Variants in PTGES3L observed in about 807,000 individuals in gnomAD.
The protein encoded by PTGES3L is putative protein PTGES3L.
PTGES3L carries 17 observed loss-of-function variants against 25.0 expected under a neutral mutation model. The ratio of observed to expected loss-of-function variants is 0.68; its 90% CI spans 0.47 to 1.02. The LOEUF is 1.02. Ranked by LOEUF, PTGES3L falls within the 50% of genes least tolerant of loss-of-function variation. The probability of loss-of-function intolerance (pLI) is 0.00; values close to 1 mark genes in which losing one functional copy is unlikely to be tolerated. For synonymous variants in PTGES3L, 59 were observed against 65.7 expected, an observed-to-expected ratio of 0.90 and a Z score of 0.50; for missense variants, 202 against 197.5, an observed-to-expected ratio of 1.02 and a Z score of -0.14.
rs57542042 is a variant in PTGES3L at position 42,970,676 on chromosome 17, G to GCACACACA, written c.379-342_379-335dup. Among the ~76,000 whole-genome samples the GCACACACA allele has an allele frequency of 7.8e-3, 1,130 of 144,152 alleles. 11 individuals are homozygous for GCACACACA. The highest frequency in any genetic ancestry group is 0.032 in the South Asian group (144 of 4,564). The allele number at this position is 144,152 out of a possible 152,430, so 94.6% of individuals were successfully genotyped here. On this transcript the variant is annotated intron_variant, in intron 5 of 6. Transcript: ENST00000591916. ...CATGAAGTTGTCTGGCTTAACACGC[G>GCACACACA]CACACACACACACACACACACACAC...
At chr17:42,972,546 G>A (rs1483610747) in intron 4 of PTGES3L, among the ~76,000 whole-genome samples, 1 of 152,170 alleles carries the variant, frequency 6.6e-6, no homozygotes, top group African/African-American at 2.4e-5. Flanking sequence ...CCGGTCTCCA[G>A]CCCCTAACCG....
At chr17:42,978,693 A>G (rs1372502651) in intron 4 of PTGES3L, among the ~76,000 whole-genome samples, 5 of 129,298 alleles carry the variant, frequency 3.9e-5, no homozygotes, top group Non-Finnish European at 8.6e-5. Flanking sequence ...CTGCACATGT[A>G]TCCCAGAACT....
chr17:42,974,362 A>G (rs1246331252), intron 4 of PTGES3L, among the ~76,000 whole-genome samples: 2 of 140,826 alleles, frequency 1.4e-5, no homozygotes, highest in Admixed American at 7.2e-5. Flanking sequence ...CTCTGTCTCG[A>G]AAAAAAAAAA....
In PTGES3L at chr17:42,979,575, T is replaced by A; in HGVS notation, c.97A>T (p.Ile33Phe). Reference protein sequence around the residue: ...VEDSTDVHVLIEDHRIVFSCK... With the variant: ...VEDSTDVHVLFEDHRIVFSCK... ...CTGAACACAATGCGGTGATCCTCAATAAGCACGTGGACATCGGTGCTGTCC... is the reference window on the plus strand; with the variant it reads ...CTGAACACAATGCGGTGATCCTCAAAAAGCACGTGGACATCGGTGCTGTCC... The change falls in exon 2 of 7, where the codon ATT becomes TTT. Residue 33 changes from isoleucine to phenylalanine, a missense_variant. Transcript: ENST00000591916. 1 of 1,614,100 alleles carries A rather than the reference T, an allele frequency of 6.2e-7. No homozygotes were observed.
In PTGES3L at chr17:42,969,156, T is replaced by C; in HGVS notation, c.463A>G (p.Ser155Gly). ...CTTTGCGTCACAGAAAGTTAATTAC[T>C]TGTTGCATCATCAGCACTGTCAGAA... is the stretch of plus-strand genomic sequence containing the variant. ...DDSDSADDAT[S>G]N Residue 155 changes from serine to glycine, a missense_variant, in exon 7 of 7, where the codon AGT (serine) becomes GGT (glycine). Physicochemically the swap from Ser to Gly is moderately conservative, Grantham distance 56 (BLOSUM62 0). Transcript: ENST00000591916. The C allele has an allele frequency of 2.7e-6, 4 of 1,503,060 alleles. No homozygotes were observed. The highest frequency in any genetic ancestry group is 3.6e-6 in the Non-Finnish European group (4 of 1,119,656). 93.1% of individuals were successfully genotyped at this position (1,503,060 alleles called of 1,614,324 possible).
intron 4 of PTGES3L, among the ~76,000 whole-genome samples, chr17:42,973,880 T>C (rs2049905134): frequency 7.1e-6 from 1 of 141,120 alleles, no homozygotes; most frequent in Non-Finnish European, 1.5e-5. Context: ...GTCCTCTGCC[T>C]AGGAAAACCA....
chr17:42,973,203 GC>G (rs1185318157), intron 4 of PTGES3L, among the ~76,000 whole-genome samples: 1 of 144,136 alleles, frequency 6.9e-6, no homozygotes, highest in Admixed American at 6.9e-5. Context: ...GGGGGGGTCA[GC>G]CCCCCGCCCG....
chr17:42,978,105 A>G (rs2049996058), intron 4 of PTGES3L, among the ~76,000 whole-genome samples: 1 of 147,628 alleles, frequency 6.8e-6, no homozygotes. Context: ...AAAAAACAGA[A>G]AGAAAAAAGA....
intron 4 of PTGES3L, among the ~76,000 whole-genome samples, chr17:42,973,877 G>T (rs1438409181): frequency 1.4e-5 from 2 of 141,078 alleles, no homozygotes; most frequent in Non-Finnish European, 3.1e-5. Flanking sequence ...AGGGTCCTCT[G>T]CCTAGGAAAA....
intron 6 of PTGES3L, 104 bp from the exon 7 acceptor site, chr17:42,969,290 T>C: frequency 1.4e-6 from 1 of 700,960 alleles, no homozygotes; most frequent in South Asian, 3.0e-5. Context: ...CCAAGTTTCT[T>C]TTTGTGATTT....
Position 42,976,367 on chromosome 17 carries a change from G to T in PTGES3L, c.288+2803C>A, listed in dbSNP as rs372225655. Among the ~76,000 whole-genome samples the T allele has an allele frequency of 3.2e-4, 48 of 152,144 alleles. No individual in the cohort carries two copies. In the South Asian group the frequency reaches 1.0e-2, roughly 32 times the overall value. On this transcript the variant is annotated intron_variant, in intron 4 of 6. Transcript: ENST00000591916. ...AACTAATAAAAATTTTTTAATGTCAGTAACAAGTCAAAATAATTTCTTTTT... is the reference window on the plus strand; with the variant it reads ...AACTAATAAAAATTTTTTAATGTCATTAACAAGTCAAAATAATTTCTTTTT...
At chr17:42,970,673 C>CGT (rs1491137521) in intron 5 of PTGES3L, among the ~76,000 whole-genome samples, 1 of 85,360 alleles carries the variant, frequency 1.2e-5, no homozygotes, top group Admixed American at 1.4e-4. Flanking sequence ...TGGCTTAACA[C>CGT]GCGCACACAC....
In PTGES3L at chr17:42,971,772, A is replaced by G. The variant is rs112161949; in HGVS notation, c.289-76T>C. ...TGTGTGGGAGAGTGTGGGCATATGC[A>G]TGGGAGCACGCCTGGGGAAAAGAGG... On this transcript the variant is annotated intron_variant, in intron 4 of 6. Coordinates refer to ENST00000591916, the MANE Select transcript of PTGES3L (RefSeq NM_001261430.2). 1,045 of 1,502,408 alleles carry G rather than the reference A, an allele frequency of 7.0e-4. 13 individuals are homozygous for G. The African/African-American group carries it at 0.012, about 18-fold the overall frequency. 93.1% of individuals were successfully genotyped at this position (1,502,408 alleles called of 1,614,324 possible).
chr17:42,976,832 A>G (rs2049963530), intron 4 of PTGES3L, among the ~76,000 whole-genome samples: 2 of 152,342 alleles, frequency 1.3e-5, no homozygotes, highest in African/African-American at 4.8e-5. Flanking sequence ...TAGACAGACC[A>G]TGCTGAGGGC....
At chr17:42,972,966 G>A (rs2049875658) in intron 4 of PTGES3L, among the ~76,000 whole-genome samples, 1 of 143,602 alleles carries the variant, frequency 7.0e-6, no homozygotes, top group East Asian at 2.2e-4. Context: ...GAGCACCTCT[G>A]CCCCGCTGCC....
chr17:42,976,325 C>T (rs2049953210), intron 4 of PTGES3L, among the ~76,000 whole-genome samples: 1 of 152,150 alleles, frequency 6.6e-6, no homozygotes, highest in South Asian at 2.1e-4. Flanking sequence ...AGAAGATGCA[C>T]ATTTTTAAAT....
rs2049769113 is a variant in PTGES3L at position 42,968,274 on chromosome 17, T to A, written c.*874A>T. The A allele has an allele frequency of 6.6e-6, 1 of 152,152 alleles. No individual in the cohort carries two copies. The highest frequency in any genetic ancestry group is 2.4e-5 in the African/African-American group (1 of 41,444). 9.4% of individuals were successfully genotyped at this position (152,152 alleles called of 1,614,324 possible). ...GGCCGGGTGTGGTGGCTCATACATG[T>A]AATCCTAGCACTTTGGGAGGCTGAG... On this transcript the variant is annotated 3_prime_UTR_variant, in exon 7 of 7. Transcript: ENST00000591916.
At position 42,968,988 on chromosome 17, in the gene PTGES3L, A is replaced by G. The variant is rs1400509296; in HGVS notation, c.*160T>C. ...TAGTCAAGTGCCTAGGAGGAAGACA[A>G]GCTTGAAGGACGACCCTTAATAAAG... On this transcript the variant is annotated 3_prime_UTR_variant, in exon 7 of 7. Coordinates refer to ENST00000591916, the MANE Select transcript of PTGES3L (RefSeq NM_001261430.2). 1.7e-6 allele frequency: 1 copy of G among 576,540 alleles called. No individual in the cohort carries two copies. Among genetic ancestry groups the G allele is most frequent in the African/African-American group, 1.9e-5 (1 of 53,570 alleles). The allele number at this position is 576,540 out of a possible 1,614,324, so 35.7% of individuals were successfully genotyped here.
In PTGES3L at chr17:42,969,149, T is replaced by G. The variant is rs562720727; in HGVS notation, c.470A>C (p.Ter157SerextTer21). Residue 157 changes from the stop codon to serine (S), a stop_lost, in exon 7 of 7, where the codon TAA (stop) becomes TCA (serine). Transcript: ENST00000591916. Reference protein sequence around the residue: ...SDSADDATSN* With the variant: ...SDSADDATSNS The stretch of plus-strand genomic sequence containing the variant: ...TTCCCAGCTTTGCGTCACAGAAAGT[T>G]AATTACTTGTTGCATCATCAGCACT... The G allele has an allele frequency of 6.5e-7, 1 of 1,543,394 alleles. No homozygotes were observed. The highest frequency in any genetic ancestry group is 8.8e-7 in the Non-Finnish European group (1 of 1,142,072).
Sources: gnomAD v4.1 joint callset for allele counts (sites outside exome capture counted in the v4.1 genomes callset) on GRCh38, gnomAD v4.1.1 for gene constraint, MANE v1.5 for transcripts, NCBI Gene and HGNC (gene_info 2026-07-23, HGNC 2026-07-21) for gene names.